Variants in PMP22 observed in about 807,000 individuals in gnomAD.
PMP22 encodes Charcot-Marie-Tooth neuropathy 1A (greatly reduced nerve conduction velocity, hereditary motor sensory neuropathy Ia).
PMP22 carries 2 observed loss-of-function variants against 18.9 expected under a neutral mutation model. That is an observed-to-expected ratio of 0.11 (90% CI 0.04 to 0.33). The LOEUF (loss-of-function observed/expected upper bound fraction) is 0.33. PMP22 is among the 10% of genes least tolerant of loss of function. The pLI, the probability that PMP22 is intolerant of heterozygous loss-of-function variation, is 1.00. For synonymous variants in PMP22, 95 were observed against 89.2 expected, an observed-to-expected ratio of 1.07 and a Z score of -0.37; for missense variants, 169 against 202.2, an observed-to-expected ratio of 0.84 and a Z score of 1.00.
chr17:15,240,014 G>A (rs1907185185), intron 3 of PMP22, among the ~76,000 whole-genome samples: 1 of 152,246 alleles, frequency 6.6e-6, no homozygotes, highest in Non-Finnish European at 1.5e-5. Context: ...AAAAACACAT[G>A]TGAACATTCA....
At chr17:15,246,877 C>T (rs1907862264) in intron 3 of PMP22, among the ~76,000 whole-genome samples, 1 of 151,614 alleles carries the variant, frequency 6.6e-6, no homozygotes, top group Non-Finnish European at 1.5e-5. Flanking sequence ...CGAGATCATA[C>T]TGGCCAACAT....
Position 15,264,230 on chromosome 17 carries a change from GTAGATAGA to G in PMP22, c.-35+916_-35+923del, listed in dbSNP as rs1009453770. Among the ~76,000 whole-genome samples, 3 of 85,008 alleles carry G rather than the reference GTAGATAGA, an allele frequency of 3.5e-5. No individual in the cohort carries two copies. The South Asian group carries it at 9.0e-4, about 26-fold the overall frequency. 55.8% of individuals were successfully genotyped at this position (85,008 alleles called of 152,430 possible). ...CTCTGATAGGTAGGTAGGTAGGTAG[GTAGATAGA>G]TAGATAGATAGATAGATATAGATAG... On this transcript the variant is annotated intron_variant, in intron 1 of 4. Transcript: ENST00000312280.
chr17:15,250,618 C>T (rs561373524), intron 3 of PMP22, among the ~76,000 whole-genome samples: 6 of 152,192 alleles, frequency 3.9e-5, no homozygotes, highest in African/African-American at 7.2e-5. Context: ...ACACCAGTTG[C>T]TCAAGCCCAA....
At chr17:15,231,116 G>A in intron 4 of PMP22, 36 bp from the exon 5 acceptor site, 1 of 1,610,328 alleles carries the variant, frequency 6.2e-7, no homozygotes, top group Non-Finnish European at 8.5e-7. Context: ...GTGACGGAGA[G>A]TCCATGGCAG....
At chr17:15,254,443 G>A (rs752405600) in intron 3 of PMP22, among the ~76,000 whole-genome samples, 2 of 152,158 alleles carry the variant, frequency 1.3e-5, no homozygotes, top group African/African-American at 2.4e-5. Flanking sequence ...AAGGAAACGC[G>A]TCAAGTCAAG....
intron 3 of PMP22, among the ~76,000 whole-genome samples, chr17:15,257,500 G>C (rs1201048603): frequency 6.6e-6 from 1 of 152,210 alleles, no homozygotes; most frequent in Non-Finnish European, 1.5e-5. Context: ...CCCTTTTCGG[G>C]CTGAGTCACT....
Position 15,230,476 on chromosome 17 carries a change from CTT to C in PMP22, c.*439_*440del, listed in dbSNP as rs1255753243. ...TGGACATTTGGGGTTTCTACCCACA[CTT>C]TGGTTTTCTAAATGAGGTGGACTGG... On this transcript the variant is annotated 3_prime_UTR_variant, in exon 5 of 5. Coordinates refer to ENST00000312280, the MANE Select transcript of PMP22 (RefSeq NM_000304.4). 5.2e-6 allele frequency: 1 copy of C among 192,212 alleles called. No individual in the cohort carries two copies. The highest frequency in any genetic ancestry group is 1.3e-4 in the East Asian group (1 of 7,428). 11.9% of individuals were successfully genotyped at this position (192,212 alleles called of 1,614,324 possible). A position where few individuals can be genotyped will look rare whatever the true frequency, so the allele number is the denominator to read the frequency against.
Position 15,258,119 on chromosome 17 carries a change from G to C in PMP22, c.178+975C>G, listed in dbSNP as rs551742178. 2.0e-5 allele frequency among the ~76,000 whole-genome samples: 3 copies of C among 152,256 alleles called. No individual in the cohort carries two copies. The East Asian group carries it at 5.8e-4, about 29-fold the overall frequency. On this transcript the variant is annotated intron_variant, in intron 3 of 4. Transcript: ENST00000312280. The surrounding 1 kb of genome is among the most constrained non-coding windows in gnomAD (Gnocchi z 4.1). ...TCTTGAACATATATACTGGATCTAT[G>C]AGTAGCTCCAGCAACATTTAAAGCT...
At chr17:15,235,180 GAAC>G (rs1414444715) in intron 4 of PMP22, 2 of 716,694 alleles carry the variant, frequency 2.8e-6, no homozygotes, top group Non-Finnish European at 5.2e-6. Context: ...CAAAACAAAT[GAAC>G]AACAATAACA....
intron 3 of PMP22, among the ~76,000 whole-genome samples, chr17:15,249,694 AGAAG>A (rs894486557): frequency 2.6e-5 from 4 of 152,206 alleles, no homozygotes; most frequent in African/African-American, 9.6e-5. Flanking sequence ...AGCCACTGAA[AGAAG>A]GAAGGAAAGA....
rs923608028 is a variant in PMP22 at position 15,259,121 on chromosome 17, G to A, written c.151C>T (p.His51Tyr). 3 of 1,613,686 alleles carry A rather than the reference G, an allele frequency of 1.9e-6. No individual in the cohort carries two copies. Among genetic ancestry groups the A allele is most frequent in the Non-Finnish European group, 2.5e-6 (3 of 1,179,596 alleles). The change falls in exon 3 of 5, where the codon CAC becomes TAC. Residue 51 changes from histidine to tyrosine, a missense_variant. Transcript: ENST00000312280. ...TTTGGTGATGATGAGAAACAGTGGT[G>A]GACATTTCCTGAGGAAGAGGTGCTA... ...NCSTSSSGNV[H>Y]HCFSSSPNEW...
intron 1 of PMP22, 52 bp from the exon 2 acceptor site, chr17:15,260,813 A>T: frequency 8.1e-7 from 1 of 1,235,196 alleles, no homozygotes; most frequent in Non-Finnish European, 1.2e-6. Flanking sequence ...CGAGCGACGG[A>T]GGCGCGCGCA....
chr17:15,234,267 G>C lies in PMP22; in HGVS notation c.320-3187C>G, dbSNP rs180785647. On this transcript the variant is annotated intron_variant, in intron 4 of 4. Transcript: ENST00000312280. ...GAACACAGCGATGTCTCAGAAGCCA[G>C]GGGAATAGAGCTTCAAAGAGTAAGT... is the stretch of plus-strand genomic sequence containing the variant. Among the ~76,000 whole-genome samples the C allele has an allele frequency of 5.2e-4, 79 of 152,324 alleles. 1 individual carries two copies. The highest frequency in any genetic ancestry group is 4.4e-3 in the Admixed American group (68 of 15,298).
At position 15,231,038 on chromosome 17, in the gene PMP22, T is replaced by C. The variant is rs1567698985; in HGVS notation, c.362A>G (p.His121Arg). The change falls in exon 5 of 5, where the codon CAC (histidine) becomes CGC (arginine). Residue 121 changes from histidine to arginine, a missense_variant. By Grantham distance (29) the His-to-Arg change is conservative. Transcript: ENST00000312280. ...MSAAAIYTVRHPEWHLNSDYS... is the reference protein window; with the variant it reads ...MSAAAIYTVRRPEWHLNSDYS... ...ATCCGAGTTGAGATGCCACTCCGGGTGCCTCACCGTGTAGATGGCCGCAGC... is the reference window on the plus strand; with the variant it reads ...ATCCGAGTTGAGATGCCACTCCGGGCGCCTCACCGTGTAGATGGCCGCAGC... The C allele has an allele frequency of 6.2e-7, 1 of 1,614,062 alleles. No individual in the cohort carries two copies. Among genetic ancestry groups the C allele is most frequent in the Non-Finnish European group, 8.5e-7 (1 of 1,180,026 alleles).
Position 15,258,979 on chromosome 17 carries a change from C to A in PMP22, c.178+115G>T. On this transcript the variant is annotated intron_variant, in intron 3 of 4. Coordinates refer to ENST00000312280, the MANE Select transcript of PMP22 (RefSeq NM_000304.4). The surrounding 1 kb of genome is among the most constrained non-coding windows in gnomAD (Gnocchi z 4.1). Reference sequence around the variant, plus strand: ...CATGGCTCCCTGTCACATCCCACCCCACCCCAGCAACGACATTCTGGCTTG... The same window carrying A: ...CATGGCTCCCTGTCACATCCCACCCAACCCCAGCAACGACATTCTGGCTTG... The A allele has an allele frequency of 1.3e-6, 1 of 798,772 alleles. No homozygotes were observed. The highest frequency in any genetic ancestry group is 1.5e-5 in the South Asian group (1 of 68,712). The allele number at this position is 798,772 out of a possible 1,614,324, so 49.5% of individuals were successfully genotyped here.
At chr17:15,239,166 A>T (rs1312149770) in intron 4 of PMP22, among the ~76,000 whole-genome samples, 1 of 152,228 alleles carries the variant, frequency 6.6e-6, no homozygotes, top group African/African-American at 2.4e-5. Flanking sequence ...TTATGTGTCC[A>T]GATTGCAGTT....
At chr17:15,253,639 T>G (rs1018134661) in intron 3 of PMP22, among the ~76,000 whole-genome samples, 4 of 152,082 alleles carry the variant, frequency 2.6e-5, no homozygotes, top group Non-Finnish European at 5.9e-5. Flanking sequence ...TGAGATGGTC[T>G]GTGATTCTAC....
rs562876551 is a variant in PMP22 at position 15,229,884 on chromosome 17, G to C, written c.*1033C>G. 6.5e-6 allele frequency: 1 copy of C among 152,708 alleles called. No homozygotes were observed. Among genetic ancestry groups the C allele is most frequent in the African/African-American group, 2.4e-5 (1 of 41,544 alleles). The allele number at this position is 152,708 out of a possible 1,614,324, so 9.5% of individuals were successfully genotyped here. ...AGGTCTGGAGTCTTAGCATCAGAAG[G>C]GCACCATATATACATCTACAGTTGG... On this transcript the variant is annotated 3_prime_UTR_variant, in exon 5 of 5. Coordinates refer to ENST00000312280, the MANE Select transcript of PMP22 (RefSeq NM_000304.4).
intron 4 of PMP22, among the ~76,000 whole-genome samples, chr17:15,231,834 G>A (rs994807148): frequency 6.6e-6 from 1 of 152,178 alleles, no homozygotes; most frequent in African/African-American, 2.4e-5. Flanking sequence ...GGTGGGTCAG[G>A]CCACCCTCCC....
Sources: allele counts gnomAD v4.1 joint callset (sites outside exome capture counted in the v4.1 genomes callset), GRCh38; gene constraint gnomAD v4.1.1; non-coding constraint Gnocchi (gnomAD v3.1); transcripts MANE v1.5; gene names NCBI Gene and HGNC (gene_info 2026-07-23, HGNC 2026-07-21).